Variants in GPA33 observed in about 807,000 individuals in gnomAD.
GPA33 encodes cell surface A33 antigen.
A neutral mutation model predicts 35.6 loss-of-function variants in GPA33; 27 were observed. The observed-to-expected ratio is 0.76, with a 90% CI of 0.56 to 1.04. The LOEUF (loss-of-function observed/expected upper bound fraction) is 1.04. Ranked by LOEUF, GPA33 falls within the 50% of genes least tolerant of loss-of-function variation. The probability of loss-of-function intolerance (pLI) is 0.00; values close to 1 mark genes in which losing one functional copy is unlikely to be tolerated. For synonymous variants in GPA33, 176 were observed against 164.0 expected (o/e 1.07, Z -0.56); for missense variants, 428 against 411.9 (o/e 1.04, Z -0.34).
chr1:167,063,364 G>A (rs1007987082), intron 4 of GPA33, among the ~76,000 whole-genome samples: 4 of 152,188 alleles, frequency 2.6e-5, no homozygotes, highest in East Asian at 1.9e-4. Flanking sequence ...AGCTGAGATC[G>A]TGCCAACTGC....
intron 1 of GPA33, among the ~76,000 whole-genome samples, chr1:167,079,626 T>C (rs1288501076): frequency 2.6e-5 from 4 of 152,250 alleles, no homozygotes; most frequent in African/African-American, 4.8e-5. Context: ...TTTTCCATAA[T>C]TTGAGACGAG....
At chr1:167,077,043 TA>T (rs1271848798) in intron 1 of GPA33, among the ~76,000 whole-genome samples, 6 of 150,834 alleles carry the variant, frequency 4.0e-5, no homozygotes, top group Non-Finnish European at 8.9e-5. Flanking sequence ...CTGCCTCTAC[TA>T]AAAATACAAA....
At chr1:167,058,231 T>G (rs1456202894) in intron 4 of GPA33, 1 of 152,188 alleles carries the variant, frequency 6.6e-6, no homozygotes, top group African/African-American at 2.4e-5. Context: ...AAATTTTGTA[T>G]GATAAAAGCA....
At chr1:167,072,578 T>C (rs1666740287) in intron 2 of GPA33, among the ~76,000 whole-genome samples, 1 of 152,188 alleles carries the variant, frequency 6.6e-6, no homozygotes. Flanking sequence ...GAGGTACATA[T>C]AAGGGTATTT....
At chr1:167,082,770 G>C (rs1666977334) in intron 1 of GPA33, among the ~76,000 whole-genome samples, 1 of 152,232 alleles carries the variant, frequency 6.6e-6, no homozygotes. Context: ...CTTTGTGACG[G>C]CCCTAATGGG....
chr1:167,089,221 C>G (rs761821303), intron 1 of GPA33, among the ~76,000 whole-genome samples: 1 of 152,166 alleles, frequency 6.6e-6, no homozygotes, highest in African/African-American at 2.4e-5. Flanking sequence ...ATGTCTAGGG[C>G]CTGGGAGAAC....
rs1666171823 is a variant in GPA33 at position 167,053,981 on chromosome 1, C to G, written c.*353G>C. ...CCACCCCCCAAGGCTGGCATCGCCTCCCTGGAGAGTTCTGAGTGGGAGCGC... is the reference window on the plus strand; with the variant it reads ...CCACCCCCCAAGGCTGGCATCGCCTGCCTGGAGAGTTCTGAGTGGGAGCGC... On this transcript the variant is annotated 3_prime_UTR_variant, in exon 7 of 7. Coordinates refer to ENST00000367868, the MANE Select transcript of GPA33 (RefSeq NM_005814.3). 1 of 278,876 alleles carries G rather than the reference C, an allele frequency of 3.6e-6. No individual in the cohort carries two copies. Among genetic ancestry groups the G allele is most frequent in the African/African-American group, 2.2e-5 (1 of 45,336 alleles). The allele number at this position is 278,876 out of a possible 1,614,324, so 17.3% of individuals were successfully genotyped here. A position where few individuals can be genotyped will look rare whatever the true frequency, so the allele number is the denominator to read the frequency against.
chr1:167,078,068 C>T (rs1381729740), intron 1 of GPA33, among the ~76,000 whole-genome samples: 1 of 152,192 alleles, frequency 6.6e-6, no homozygotes, highest in Non-Finnish European at 1.5e-5. Context: ...TAATTTTTGC[C>T]TGCAGGGACA....
At chr1:167,080,584 C>T (rs979103971) in intron 1 of GPA33, among the ~76,000 whole-genome samples, 5 of 152,232 alleles carry the variant, frequency 3.3e-5, no homozygotes, top group African/African-American at 1.2e-4. Flanking sequence ...CTTTTCCTAA[C>T]TGTGTAACCT....
intron 1 of GPA33, among the ~76,000 whole-genome samples, chr1:167,080,881 A>G (rs75668361): frequency 6.6e-6 from 1 of 152,238 alleles, no homozygotes; most frequent in Non-Finnish European, 1.5e-5. Context: ...ATTATAGAGA[A>G]CTTAAGCTTA....
At chr1:167,074,673 G>A (rs1459434886) in intron 1 of GPA33, among the ~76,000 whole-genome samples, 1 of 152,032 alleles carries the variant, frequency 6.6e-6, no homozygotes, top group Non-Finnish European at 1.5e-5. Context: ...GCTAAGCAAG[G>A]GTCAGGCAGG....
chr1:167,054,863 T>C, intron 6 of GPA33, 113 bp downstream of exon 6: 2 of 1,190,660 alleles, frequency 1.7e-6, no homozygotes, highest in Non-Finnish European at 2.4e-6. Flanking sequence ...CAGCACAAAA[T>C]GGGGGTGATA....
At chr1:167,085,764 C>T (rs991788265) in intron 1 of GPA33, among the ~76,000 whole-genome samples, 1 of 152,228 alleles carries the variant, frequency 6.6e-6, no homozygotes, top group East Asian at 1.9e-4. Context: ...CTGGATGATG[C>T]AAAACTGAGC....
chr1:167,072,207 C>T (rs1287055909), intron 2 of GPA33, among the ~76,000 whole-genome samples: 1 of 152,196 alleles, frequency 6.6e-6, no homozygotes, highest in Non-Finnish European at 1.5e-5. Flanking sequence ...AGGGAAAAAG[C>T]TAAGTCTTTC....
At chr1:167,070,299 C>T (rs1259835177) in intron 2 of GPA33, among the ~76,000 whole-genome samples, 1 of 152,054 alleles carries the variant, frequency 6.6e-6, no homozygotes, top group African/African-American at 2.4e-5. Context: ...GGGCAGGTAG[C>T]AATAAAGATC....
chr1:167,061,435 C>T (rs772260571), intron 4 of GPA33, among the ~76,000 whole-genome samples: 3 of 152,070 alleles, frequency 2.0e-5, no homozygotes, highest in Non-Finnish European at 4.4e-5. Context: ...CCACAGAGCC[C>T]CCGGGGAGCT....
intron 3 of GPA33, among the ~76,000 whole-genome samples, chr1:167,065,019 G>A (rs997511924): frequency 6.6e-6 from 1 of 152,188 alleles, no homozygotes; most frequent in African/African-American, 2.4e-5. Flanking sequence ...GGATTTCTGG[G>A]AAGCTTAAGC....
intron 4 of GPA33, among the ~76,000 whole-genome samples, chr1:167,063,366 G>T (rs924935104): frequency 3.3e-5 from 5 of 152,208 alleles, no homozygotes; most frequent in Non-Finnish European, 7.3e-5. Flanking sequence ...CTGAGATCGT[G>T]CCAACTGCAC....
At chr1:167,080,097 C>A (rs1666895628) in intron 1 of GPA33, among the ~76,000 whole-genome samples, 1 of 152,092 alleles carries the variant, frequency 6.6e-6, no homozygotes, top group Non-Finnish European at 1.5e-5. Context: ...CAGAGCCCAC[C>A]CTCCTCCCAG....
Sources: gnomAD v4.1 joint callset for allele counts (sites outside exome capture counted in the v4.1 genomes callset) on GRCh38, gnomAD v4.1.1 for gene constraint, MANE v1.5 for transcripts, NCBI Gene and HGNC (gene_info 2026-07-23, HGNC 2026-07-21) for gene names.